ELOVL6: variants seen among roughly 807,000 people sequenced by gnomAD.
ELOVL6 encodes the protein very long chain fatty acid elongase 6.
Under a neutral mutation model 31.7 loss-of-function variants are expected in ELOVL6, and 8 were observed. The ratio of observed to expected loss-of-function variants is 0.25; its 90% confidence interval spans 0.15 to 0.45. ELOVL6 has a LOEUF of 0.45. Among genes scored for constraint, ELOVL6 ranks in the 20% least tolerant of loss-of-function variants. ELOVL6 has a pLI of 1.00. For missense variants in ELOVL6, 126 were observed against 326.4 expected, an observed-to-expected ratio of 0.39 and a Z score of 4.73; for synonymous variants, 101 against 117.7, an observed-to-expected ratio of 0.86 and a Z score of 0.92.
At chr4:110,181,024 C>T (rs1759255161) in intron 1 of ELOVL6, among the ~76,000 whole-genome samples, 1 of 151,920 alleles carries the variant, frequency 6.6e-6, no homozygotes, top group Non-Finnish European at 1.5e-5. Context: ...TGTAATCCTA[C>T]CTACTAGGGA....
chr4:110,164,680 A>G (rs940253200), intron 1 of ELOVL6, among the ~76,000 whole-genome samples: 11 of 150,190 alleles, frequency 7.3e-5, no homozygotes, highest in Non-Finnish European at 1.5e-4. Context: ...GGTCAAGGCT[A>G]CAATGAGCCA....
chr4:110,186,892 T>C (rs1176162031), intron 1 of ELOVL6, among the ~76,000 whole-genome samples: 3 of 143,728 alleles, frequency 2.1e-5, no homozygotes, highest in Non-Finnish European at 4.5e-5. Flanking sequence ...CATATATATA[T>C]ACATATATAT....
chr4:110,081,950 T>G (rs1028003073), intron 2 of ELOVL6, among the ~76,000 whole-genome samples: 4 of 151,114 alleles, frequency 2.6e-5, no homozygotes, highest in African/African-American at 9.7e-5. Context: ...AACAGACACT[T>G]CTGAAAAGAA....
chr4:110,102,884 T>C lies in ELOVL6; in HGVS notation c.221+2613A>G, dbSNP rs183852278. ...GTCCCCACCAAAATCTCAACTTGAA[T>C]TGTATCTCCCAGAATTCCCACGTGT... On this transcript the variant is annotated intron_variant, in intron 2 of 3. Transcript: ENST00000302274. 2.1e-3 allele frequency among the ~76,000 whole-genome samples: 316 copies of C among 148,882 alleles called. 2 individuals carry two copies. Among genetic ancestry groups the C allele is most frequent in the African/African-American group, 7.7e-3 (308 of 40,230 alleles).
chr4:110,080,321 A>G (rs779364595), intron 2 of ELOVL6, among the ~76,000 whole-genome samples: 93 of 152,346 alleles, frequency 6.1e-4, no homozygotes, highest in Non-Finnish European at 1.2e-3. Context: ...TCCCTGATGA[A>G]CATTGATGCA....
intron 2 of ELOVL6, among the ~76,000 whole-genome samples, chr4:110,063,805 C>T (rs1436415174): frequency 2.0e-5 from 3 of 150,736 alleles, no homozygotes; most frequent in Admixed American, 6.6e-5. Context: ...AGGCTGGGCA[C>T]GGTGGCTCAT....
intron 3 of ELOVL6, among the ~76,000 whole-genome samples, chr4:110,055,482 G>T (rs527452462): frequency 6.6e-6 from 1 of 152,178 alleles, no homozygotes; most frequent in African/African-American, 2.4e-5. Flanking sequence ...CTAACCTTTG[G>T]TCCAACTATT....
chr4:110,084,155 A>C (rs1190852972), intron 2 of ELOVL6, among the ~76,000 whole-genome samples: 2,026 of 96,276 alleles, frequency 0.021, 191 homozygotes, highest in Non-Finnish European at 0.031. Context: ...TGATATATAT[A>C]ACATATATGT....
intron 1 of ELOVL6, among the ~76,000 whole-genome samples, chr4:110,126,813 G>A (rs2126255819): frequency 6.6e-6 from 1 of 152,186 alleles, no homozygotes. Flanking sequence ...ACTATTTCAT[G>A]CTTTTATCAT....
chr4:110,052,414 T>C (rs1300613348), intron 3 of ELOVL6, among the ~76,000 whole-genome samples: 1 of 152,246 alleles, frequency 6.6e-6, no homozygotes, highest in East Asian at 1.9e-4. Flanking sequence ...GGGACAAAAA[T>C]CCTCTTCTAT....
chr4:110,076,635 C>G (rs186504940), intron 2 of ELOVL6, among the ~76,000 whole-genome samples: 1 of 152,320 alleles, frequency 6.6e-6, no homozygotes, highest in Non-Finnish European at 1.5e-5. Flanking sequence ...AAGAACAGCT[C>G]CAGTCTACAG....
In ELOVL6 at chr4:110,048,773, T is replaced by C. The variant is rs182982006; in HGVS notation, c.*2565A>G. The C allele has an allele frequency of 1.3e-5, 2 of 152,342 alleles. No individual in the cohort carries two copies. Among genetic ancestry groups the C allele is most frequent in the Admixed American group, 1.3e-4 (2 of 15,306 alleles). The allele number at this position is 152,342 out of a possible 1,614,324, so 9.4% of individuals were successfully genotyped here. On this transcript the variant is annotated 3_prime_UTR_variant, in exon 4 of 4. Transcript: ENST00000302274. ...AACATTGGAAATGCCTTTAGATATA[T>C]TTAGCTAATTTTAAAACTATTAAGA...
chr4:110,162,506 C>G (rs1299412605), intron 1 of ELOVL6, among the ~76,000 whole-genome samples: 2 of 152,078 alleles, frequency 1.3e-5, no homozygotes, highest in African/African-American at 2.4e-5. Flanking sequence ...GCCACTATGC[C>G]TAATTTTTTT....
chr4:110,173,670 A>AAATAATAATAATAATAAT (rs148753272), intron 1 of ELOVL6, among the ~76,000 whole-genome samples: 2 of 140,938 alleles, frequency 1.4e-5, no homozygotes, highest in African/African-American at 5.2e-5. Flanking sequence ...AGGTAAAGGA[A>AAATAATAATAATAATAAT]AATAATAATA....
rs562810832 is a variant in ELOVL6 at position 110,183,060 on chromosome 4, A to G, written c.89+15187T>C. ...AAACCTGAATCTGGCATAACATCACATGACAGATAAAGAAGGAAATCAAAA... is the reference window on the plus strand; with the variant it reads ...AAACCTGAATCTGGCATAACATCACGTGACAGATAAAGAAGGAAATCAAAA... On this transcript the variant is annotated intron_variant, in intron 1 of 3. Coordinates refer to ENST00000302274, the MANE Select transcript of ELOVL6 (RefSeq NM_024090.3). Among the ~76,000 whole-genome samples the G allele has an allele frequency of 6.8e-4, 103 of 152,314 alleles. 1 individual carries two copies. The South Asian group carries it at 0.02, about 30-fold the overall frequency.
rs796394332 is a variant in ELOVL6 at position 110,084,065 on chromosome 4, A to T, written c.221+21432T>A. 5.3e-4 allele frequency among the ~76,000 whole-genome samples: 20 copies of T among 37,606 alleles called. 2 individuals are homozygous for T. The East Asian group carries it at 6.4e-3, about 12-fold the overall frequency. 24.7% of individuals were successfully genotyped at this position (37,606 alleles called of 152,430 possible). On this transcript the variant is annotated intron_variant, in intron 2 of 3. Transcript: ENST00000302274. Reference sequence around the variant, plus strand: ...TAACACATGCTATATATGATATATAACATATATATGCTATATATGATATAT... The same window carrying T: ...TAACACATGCTATATATGATATATATCATATATATGCTATATATGATATAT...
chr4:110,155,071 T>C (rs1490378611), intron 1 of ELOVL6, among the ~76,000 whole-genome samples: 2 of 152,206 alleles, frequency 1.3e-5, no homozygotes, highest in Non-Finnish European at 2.9e-5. Context: ...ACATAGCATA[T>C]ACTGCTATTA....
At chr4:110,065,301 A>G (rs1755267588) in intron 2 of ELOVL6, among the ~76,000 whole-genome samples, 1 of 152,150 alleles carries the variant, frequency 6.6e-6, no homozygotes. Context: ...TTAAAGATGT[A>G]TAAGAGATAT....
Position 110,050,571 on chromosome 4 carries a change from A to G in ELOVL6, c.*767T>C, listed in dbSNP as rs887629232. 4 of 152,378 alleles carry G rather than the reference A, an allele frequency of 2.6e-5. No individual in the cohort carries two copies. Among genetic ancestry groups the G allele is most frequent in the Non-Finnish European group, 4.4e-5 (3 of 68,042 alleles). The allele number at this position is 152,378 out of a possible 1,614,324, so 9.4% of individuals were successfully genotyped here. ...ACTTAAGAGTAGAAATTACAGTTCA[A>G]CTATCAGAAATGCTCTGGGATGGAG... On this transcript the variant is annotated 3_prime_UTR_variant, in exon 4 of 4. Transcript: ENST00000302274.
Sources: gnomAD v4.1 joint callset for allele counts (sites outside exome capture counted in the v4.1 genomes callset) on GRCh38, gnomAD v4.1.1 for gene constraint, MANE v1.5 for transcripts, NCBI Gene and HGNC (gene_info 2026-07-23, HGNC 2026-07-21) for gene names.